The following IL15 variants were observed in gnomAD, a reference collection of about 807,000 sequenced individuals.
The protein encoded by IL15 is interleukin 15.
A neutral mutation model predicts 19.6 loss-of-function variants in IL15; 11 were observed. The ratio of observed to expected loss-of-function variants is 0.56; its 90% CI spans 0.35 to 0.93. The LOEUF is 0.93. Among genes scored for constraint, IL15 ranks in the 40% least tolerant of loss-of-function variants. IL15 has a pLI of 0.01. For synonymous variants in IL15, 58 were observed against 59.6 expected (o/e 0.97, Z 0.12); for missense variants, 197 against 186.5 (o/e 1.06, Z -0.33).
chr4:141,686,475 C>G, intron 2 of IL15, among the ~76,000 whole-genome samples: 1 of 152,182 alleles, frequency 6.6e-6, no homozygotes, highest in East Asian at 1.9e-4. Context: ...ACCACATGTT[C>G]AAATCCTGAC....
chr4:141,727,507 G>A (rs955995600), intron 5 of IL15, among the ~76,000 whole-genome samples: 2 of 152,132 alleles, frequency 1.3e-5, no homozygotes, highest in Non-Finnish European at 2.9e-5. Context: ...TGTATGGGGA[G>A]AAAGGTGACT....
intron 2 of IL15, among the ~76,000 whole-genome samples, chr4:141,696,686 T>G (rs1729106885): frequency 6.6e-6 from 1 of 152,100 alleles, no homozygotes; most frequent in South Asian, 2.1e-4. Flanking sequence ...TGGTTTTTGG[T>G]TACAATGATA....
intron 5 of IL15, among the ~76,000 whole-genome samples, chr4:141,727,109 A>G (rs1309808553): frequency 3.3e-5 from 5 of 152,168 alleles, no homozygotes; most frequent in Non-Finnish European, 7.4e-5. Flanking sequence ...CAGTGAAAAT[A>G]TTAATATATG....
chr4:141,641,608 G>T (rs969680784), intron 1 of IL15, among the ~76,000 whole-genome samples: 2 of 146,772 alleles, frequency 1.4e-5, no homozygotes, highest in African/African-American at 2.5e-5. Flanking sequence ...ACCAAACACC[G>T]CATGTTCTCA....
At position 141,676,092 on chromosome 4, in the gene IL15, GATATTTAGAAAGTTTTTAAGGC is replaced by G. The variant is rs1381370936; in HGVS notation, c.-100+19824_-100+19845del. Among the ~76,000 whole-genome samples, 468 of 152,290 alleles carry G rather than the reference GATATTTAGAAAGTTTTTAAGGC, an allele frequency of 3.1e-3. 5 individuals carry two copies. The highest frequency in any genetic ancestry group is 0.02 in the Admixed American group (299 of 15,286). On this transcript the variant is annotated intron_variant, in intron 2 of 7. Coordinates refer to ENST00000320650, the MANE Select transcript of IL15 (RefSeq NM_000585.5). ...AGCTGGTCTTTTTTGTCTGGGTCTTGATATTTAGAAAGTTTTTAAGGCATATTTAGAAAGTTTTTAAGGCATA... is the reference window on the plus strand; with the variant it reads ...AGCTGGTCTTTTTTGTCTGGGTCTTGATATTTAGAAAGTTTTTAAGGCATA...
intron 2 of IL15, among the ~76,000 whole-genome samples, chr4:141,658,747 T>A (rs1442067842): frequency 6.6e-6 from 1 of 152,000 alleles, no homozygotes; most frequent in African/African-American, 2.4e-5. Flanking sequence ...GAAAATAAAA[T>A]AAATATAAAT....
chr4:141,660,029 G>A (rs921961266), intron 2 of IL15, among the ~76,000 whole-genome samples: 3 of 152,118 alleles, frequency 2.0e-5, no homozygotes, highest in Non-Finnish European at 4.4e-5. Context: ...AGTAAAACAG[G>A]CAAGTAAGTG....
intron 1 of IL15, among the ~76,000 whole-genome samples, chr4:141,651,696 G>GAT (rs549084445): frequency 4.4e-4 from 67 of 151,702 alleles, no homozygotes; most frequent in African/African-American, 1.6e-3. Context: ...CAACCCGGAT[G>GAT]ATATACATAT....
chr4:141,700,448 G>C (rs533270164), intron 2 of IL15, among the ~76,000 whole-genome samples: 1 of 152,162 alleles, frequency 6.6e-6, no homozygotes, highest in Non-Finnish European at 1.5e-5. Flanking sequence ...TAAATATAGG[G>C]CCCCAATCCC....
chr4:141,669,026 TACA>T (rs1199669952), intron 2 of IL15, among the ~76,000 whole-genome samples: 1 of 152,224 alleles, frequency 6.6e-6, no homozygotes, highest in African/African-American at 2.4e-5. Context: ...GGCAATCTGT[TACA>T]ACAACTTTAT....
intron 2 of IL15, among the ~76,000 whole-genome samples, chr4:141,694,671 A>G (rs981534203): frequency 2.0e-5 from 3 of 152,206 alleles, no homozygotes; most frequent in African/African-American, 7.2e-5. Flanking sequence ...CCTGCAAATC[A>G]TCAATAGGCA....
chr4:141,695,553 C>G (rs977767390), intron 2 of IL15, among the ~76,000 whole-genome samples: 5 of 151,902 alleles, frequency 3.3e-5, no homozygotes, highest in Non-Finnish European at 7.4e-5. Flanking sequence ...TTTCAGATAT[C>G]TCTTTGATAT....
intron 1 of IL15, among the ~76,000 whole-genome samples, chr4:141,642,946 A>C (rs968452712): frequency 1.3e-5 from 2 of 152,242 alleles, no homozygotes; most frequent in Non-Finnish European, 2.9e-5. Context: ...AGCATGAGTC[A>C]ATCATCTTTC....
At chr4:141,719,702 T>A (rs1730009903) in intron 3 of IL15, among the ~76,000 whole-genome samples, 1 of 152,224 alleles carries the variant, frequency 6.6e-6, no homozygotes. Context: ...GTTATTTCAC[T>A]TATCCCACTC....
In IL15 at chr4:141,685,497, A is replaced by G. The variant is rs1728679406; in HGVS notation, c.-100+29190A>G. Among the ~76,000 whole-genome samples, 6 of 152,308 alleles carry G rather than the reference A, an allele frequency of 3.9e-5. No individual in the cohort carries two copies. The South Asian group carries it at 1.2e-3, about 32-fold the overall frequency. On this transcript the variant is annotated intron_variant, in intron 2 of 7. Coordinates refer to ENST00000320650, the MANE Select transcript of IL15 (RefSeq NM_000585.5). Reference sequence around the variant, plus strand: ...TCCTGAAAGAGATGACTTTTGGAATATATGCCATGCATTTTTTGGCCTCAG... The same window carrying G: ...TCCTGAAAGAGATGACTTTTGGAATGTATGCCATGCATTTTTTGGCCTCAG...
At chr4:141,661,982 T>C (rs1172404211) in intron 2 of IL15, among the ~76,000 whole-genome samples, 2 of 152,256 alleles carry the variant, frequency 1.3e-5, no homozygotes, top group Admixed American at 1.3e-4. Context: ...TTTAAAAATG[T>C]ATTGCTTAAT....
chr4:141,646,638 C>T (rs1425336250), intron 1 of IL15, among the ~76,000 whole-genome samples: 4 of 152,018 alleles, frequency 2.6e-5, no homozygotes, highest in Non-Finnish European at 5.9e-5. Context: ...AACGACCAAG[C>T]TTATTCAGGT....
In IL15 at chr4:141,688,401, G is replaced by T. The variant is rs756712780; in HGVS notation, c.-99-30965G>T. Among the ~76,000 whole-genome samples the T allele has an allele frequency of 2.6e-4, 40 of 152,198 alleles. No homozygotes were observed. In the Middle Eastern group the frequency reaches 0.01, roughly 39 times the overall value. Reference sequence around the variant, plus strand: ...TTCTCTGGGGATGAGGGAGGAGATCGCTTTAAAAACGTGATCCAATTCCAG... The same window carrying T: ...TTCTCTGGGGATGAGGGAGGAGATCTCTTTAAAAACGTGATCCAATTCCAG... On this transcript the variant is annotated intron_variant, in intron 2 of 7. Transcript: ENST00000320650.
At chr4:141,671,567 C>T (rs1210828320) in intron 2 of IL15, among the ~76,000 whole-genome samples, 4 of 152,166 alleles carry the variant, frequency 2.6e-5, no homozygotes, top group African/African-American at 9.7e-5. Context: ...GATATCTCCT[C>T]ACTCACCTGT....
Sources: gnomAD v4.1 joint callset for allele counts (sites outside exome capture counted in the v4.1 genomes callset) on GRCh38, gnomAD v4.1.1 for gene constraint, MANE v1.5 for transcripts, NCBI Gene and HGNC (gene_info 2026-07-23, HGNC 2026-07-21) for gene names.